Variants in LALBA observed in about 807,000 individuals in gnomAD.
LALBA encodes alpha-lactalbumin.
A neutral mutation model predicts 13.4 loss-of-function variants in LALBA; 12 were observed. That is an observed-to-expected ratio of 0.89 (90% CI 0.57 to 1.45). LALBA has a LOEUF of 1.45. Among genes scored for constraint, LALBA ranks in the 40% most tolerant of loss-of-function variants. The pLI, the probability that LALBA is intolerant of heterozygous loss-of-function variation, is 0.00. For synonymous variants in LALBA, 64 were observed against 61.0 expected, an observed-to-expected ratio of 1.05 and a Z score of -0.23; for missense variants, 145 against 165.9, an observed-to-expected ratio of 0.87 and a Z score of 0.69.
chr12:48,568,692 T>C, intron 2 of LALBA, 100 bp from the exon 3 acceptor site: 1 of 704,926 alleles, frequency 1.4e-6, no homozygotes, highest in South Asian at 1.8e-5. Flanking sequence ...TTCTCTAAAC[T>C]CAAGGCTTGT....
At position 48,568,029 on chromosome 12, in the gene LALBA, G is replaced by A. The variant is rs1171725786; in HGVS notation, c.369-12C>T. On this transcript the variant is annotated splice_polypyrimidine_tract_variant and intron_variant, in intron 3 of 3. Transcript: ENST00000301046. ...CTTTATGGGCCAACCTGATAATGGA[G>A]AAGGGGGACAAGGTGAGTTAGCTGA... The A allele has an allele frequency of 6.3e-7, 1 of 1,588,320 alleles. No individual in the cohort carries two copies. Among genetic ancestry groups the A allele is most frequent in the Non-Finnish European group, 8.6e-7 (1 of 1,165,760 alleles).
chr12:48,569,793 A>G, intron 1 of LALBA, 95 bp downstream of exon 1: 1 of 1,117,608 alleles, frequency 8.9e-7, no homozygotes, highest in Non-Finnish European at 1.3e-6. Flanking sequence ...ATGATTAGAT[A>G]ATTAAGTAAA....
At position 48,570,035 on chromosome 12, in the gene LALBA, A is replaced by T; in HGVS notation, c.-15T>A. 6.2e-7 allele frequency: 1 copy of T among 1,613,704 alleles called. No individual in the cohort carries two copies. The highest frequency in any genetic ancestry group is 8.5e-7 in the Non-Finnish European group (1 of 1,179,850). ...AAGAACCTCATTTTGGCTACCCCCAAGAACCTGAAATGGAAGCATCACTCA... is the reference window on the plus strand; with the variant it reads ...AAGAACCTCATTTTGGCTACCCCCATGAACCTGAAATGGAAGCATCACTCA... On this transcript the variant is annotated 5_prime_UTR_variant, in exon 1 of 4. The change creates a new upstream start codon in the 5' untranslated region. Transcript: ENST00000301046.
upstream of LALBA, chr12:48,570,215 T>C: frequency 1.6e-6 from 1 of 606,216 alleles, no homozygotes; most frequent in Non-Finnish European, 2.9e-6. Flanking sequence ...CCTTTCCCTC[T>C]CCCAGTATCT....
At chr12:48,570,510 C>T (rs920084633), upstream of LALBA, among the ~76,000 whole-genome samples, 3 of 152,086 alleles carry the variant, frequency 2.0e-5, no homozygotes, top group Admixed American at 1.3e-4. Context: ...TCAGAGCTGG[C>T]ACTTGTCCAA....
chr12:48,570,195 C>A (rs931930168), upstream of LALBA: 4 of 643,586 alleles, frequency 6.2e-6, no homozygotes, highest in Non-Finnish European at 1.1e-5. Flanking sequence ...CCATAATTCA[C>A]CCTACTTTTC....
At chr12:48,568,228 G>T in intron 3 of LALBA, 1 of 616,420 alleles carries the variant, frequency 1.6e-6, no homozygotes, top group African/African-American at 1.8e-5. Flanking sequence ...GTTACCAACA[G>T]CTTGCTTTAG....
chr12:48,570,464 AG>A (rs975579245), upstream of LALBA, among the ~76,000 whole-genome samples: 1 of 152,182 alleles, frequency 6.6e-6, no homozygotes, highest in South Asian at 2.1e-4. Flanking sequence ...GAATGTGGAG[AG>A]GGGGTGTATG....
chr12:48,567,724 T>A lies in LALBA; in HGVS notation c.*233A>T. 2.1e-6 allele frequency: 1 copy of A among 465,952 alleles called. No homozygotes were observed. Among genetic ancestry groups the A allele is most frequent in the Non-Finnish European group, 3.9e-6 (1 of 255,946 alleles). The allele number at this position is 465,952 out of a possible 1,614,324, so 28.9% of individuals were successfully genotyped here. ...ACCTTTATTCAAGACAGAGGTGAAA[T>A]CTGTGCTGTAGTGAAAGTGCCATCG... On this transcript the variant is annotated 3_prime_UTR_variant, in exon 4 of 4. Coordinates refer to ENST00000301046, the MANE Select transcript of LALBA (RefSeq NM_002289.3).
upstream of LALBA, among the ~76,000 whole-genome samples, chr12:48,570,864 C>A (rs947539324): frequency 1.3e-5 from 2 of 151,306 alleles, no homozygotes; most frequent in Admixed American, 1.3e-4. Context: ...GTAGTCCCAG[C>A]TACTTGAGGG....
chr12:48,571,386 C>CTTTTTTTTTTT (rs60444004), upstream of LALBA, among the ~76,000 whole-genome samples: 56 of 98,018 alleles, frequency 5.7e-4, 1 homozygote, highest in South Asian at 7.3e-4. Context: ...CTTCTTCTTC[C>CTTTTTTTTTTT]TTTTTTTTTT....
Position 48,567,964 on chromosome 12 carries a change from T to C in LALBA, c.422A>G (p.Lys141Arg). 1 of 1,605,738 alleles carries C rather than the reference T, an allele frequency of 6.2e-7. No homozygotes were observed. Among genetic ancestry groups the C allele is most frequent in the Non-Finnish European group, 8.5e-7 (1 of 1,176,462 alleles). The change falls in exon 4 of 4, where the codon AAG becomes AGG. Residue 141 changes from lysine (K) to arginine (R), a missense_variant. Lys to Arg is a conservative substitution (Grantham distance 26, BLOSUM62 2). Transcript: ENST00000301046. ...GCCAAGGACAGCAGACACTCACAAC[T>C]TCTCACAAAGCCACTGTTCCAGCTT... ...TEKLEQWLCE[K>R]L
At chr12:48,570,214 C>T, upstream of LALBA, 1 of 606,780 alleles carries the variant, frequency 1.6e-6, no homozygotes, top group East Asian at 2.8e-5. Context: ...TCCTTTCCCT[C>T]TCCCAGTATC....
At position 48,569,199 on chromosome 12, in the gene LALBA, C is replaced by CT. The variant is rs771488350; in HGVS notation, c.174dup (p.Ala59SerfsTer4). ...GTGCTTTCATTGTTTTCAACTATGG[C>CT]TTGTGTGTCATAACCACTGGTGTGA... is the stretch of plus-strand genomic sequence containing the variant. On this transcript the variant is annotated frameshift_variant, in exon 2 of 4. Transcript: ENST00000301046. LOFTEE classifies it high-confidence loss of function. The CT allele has an allele frequency of 1.2e-6, 2 of 1,613,366 alleles. No individual in the cohort carries two copies. The highest frequency in any genetic ancestry group is 1.7e-6 in the Non-Finnish European group (2 of 1,179,442).
At chr12:48,570,543 C>T (rs1938620740), upstream of LALBA, among the ~76,000 whole-genome samples, 1 of 152,056 alleles carries the variant, frequency 6.6e-6, no homozygotes, top group South Asian at 2.1e-4. Flanking sequence ...TGTAACAAGG[C>T]CCAGAATTAG....
chr12:48,568,782 A>G (rs1180942795), intron 2 of LALBA, among the ~76,000 whole-genome samples, 190 bp from the exon 3 acceptor site: 2 of 152,164 alleles, frequency 1.3e-5, no homozygotes, highest in Non-Finnish European at 2.9e-5. Flanking sequence ...TCCCTGGGAT[A>G]TCTCTGGAGG....
chr12:48,569,889 T>C lies in LALBA; in HGVS notation c.132A>G (p.Glu44=). ...IDGYGGIALP[E]LICTMFHTSG... ...GAAACACAGAGGCAGGGAACTCACATTCAGGCAAAGCGATGCCTCCATAAC... is the reference window on the plus strand; with the variant it reads ...GAAACACAGAGGCAGGGAACTCACACTCAGGCAAAGCGATGCCTCCATAAC... The change falls in exon 1 of 4, where the codon GAA becomes GAG. Residue 44 remains glutamate, a splice_region_variant and synonymous_variant. Coordinates refer to ENST00000301046, the MANE Select transcript of LALBA (RefSeq NM_002289.3). 1 of 1,613,676 alleles carries C rather than the reference T, an allele frequency of 6.2e-7. No individual in the cohort carries two copies. The highest frequency in any genetic ancestry group is 1.1e-5 in the South Asian group (1 of 91,012).
chr12:48,568,553 G>T lies in LALBA; in HGVS notation c.332C>A (p.Ala111Asp). ...DDDITDDIMC[A>D]KKILDIKGID... ...TCCTTTAATATCCAGGATCTTCTTG[G>T]CACACATTATGTCATCAGTAATGTC... The change falls in exon 3 of 4, where the codon GCC (alanine) becomes GAC (aspartate). Residue 111 changes from alanine (A) to aspartate (D), a missense_variant. Ala to Asp is a moderately radical substitution (Grantham distance 126). Transcript: ENST00000301046. 6.3e-7 allele frequency: 1 copy of T among 1,599,994 alleles called. No homozygotes were observed. Among genetic ancestry groups the T allele is most frequent in the Non-Finnish European group, 8.6e-7 (1 of 1,169,396 alleles).
At chr12:48,568,049 AGC>A (rs1938589147) in intron 3 of LALBA, 32 bp from the exon 4 acceptor site, 1 of 1,524,560 alleles carries the variant, frequency 6.6e-7, no homozygotes, top group Non-Finnish European at 9.0e-7. Context: ...AAGGTGAGTT[AGC>A]TGACTGAATC....
Sources: gnomAD v4.1 joint callset for allele counts (sites outside exome capture counted in the v4.1 genomes callset) on GRCh38, gnomAD v4.1.1 for gene constraint, MANE v1.5 for transcripts, NCBI Gene and HGNC (gene_info 2026-07-23, HGNC 2026-07-21) for gene names.